GRIK1: variants seen among roughly 807,000 people sequenced by gnomAD.
GRIK1 encodes the protein glutamate ionotropic receptor kainate type subunit 1.
A neutral mutation model predicts 105.7 loss-of-function variants in GRIK1; 69 were observed. The observed-to-expected ratio is 0.65, with a 90% CI of 0.54 to 0.80. The LOEUF (loss-of-function observed/expected upper bound fraction) is 0.80, where lower values mean the gene tolerates loss of function less well. Ranked by LOEUF, GRIK1 falls within the 30% of genes least tolerant of loss-of-function variation. GRIK1 has a pLI of 0.00. For synonymous variants in GRIK1, 438 were observed against 431.3 expected (o/e 1.02, Z -0.19); for missense variants, 1,109 against 1,167.3 (o/e 0.95, Z 0.73).
At chr21:29,631,580 A>C (rs1192160601) in intron 7 of GRIK1, among the ~76,000 whole-genome samples, 2 of 152,124 alleles carry the variant, frequency 1.3e-5, no homozygotes, top group Non-Finnish European at 2.9e-5. Context: ...AGCCCAAGCT[A>C]AGACAGCTGT....
rs376778152 is a variant in GRIK1 at position 29,560,364 on chromosome 21, T to TCTTCCTTCCTTCCTTCCTTC, written c.2356+1240_2356+1259dup. The stretch of plus-strand genomic sequence containing the variant: ...CTTTCTTTCTTTCTTTCTTTTTCTT[T>TCTTCCTTCCTTCCTTCCTTC]CTTCCTTCCTTCCTTCCTTCCTTCC... On this transcript the variant is annotated intron_variant, in intron 15 of 17. Transcript: ENST00000327783. Among the ~76,000 whole-genome samples the TCTTCCTTCCTTCCTTCCTTC allele has an allele frequency of 1.7e-4, 6 of 35,930 alleles. No homozygotes were observed. In the East Asian group the frequency reaches 3.6e-3, roughly 22 times the overall value. The allele number at this position is 35,930 out of a possible 152,430, so 23.6% of individuals were successfully genotyped here.
chr21:29,664,888 G>A lies in GRIK1; in HGVS notation c.726+8095C>T, dbSNP rs552310636. On this transcript the variant is annotated intron_variant, in intron 4 of 17. Transcript: ENST00000327783. ...TTCCACAAAAAAGGCACACCCAAGA[G>A]CATGCACCTTCCTACAATTTTGAAT... 5.9e-5 allele frequency among the ~76,000 whole-genome samples: 9 copies of A among 152,246 alleles called. No homozygotes were observed. The South Asian group carries it at 1.9e-3, about 32-fold the overall frequency.
At chr21:29,875,037 T>C (rs1211149453) in intron 1 of GRIK1, among the ~76,000 whole-genome samples, 2 of 151,650 alleles carry the variant, frequency 1.3e-5, no homozygotes, top group Non-Finnish European at 2.9e-5. Context: ...TGTATGCGTG[T>C]GTATGCAAAC....
chr21:29,843,101 C>A (rs1377087686), intron 1 of GRIK1, among the ~76,000 whole-genome samples: 2 of 152,158 alleles, frequency 1.3e-5, no homozygotes, highest in Non-Finnish European at 2.9e-5. Flanking sequence ...TAAATATCCA[C>A]AGAACATGAG....
intron 1 of GRIK1, among the ~76,000 whole-genome samples, chr21:29,790,755 G>A (rs1216651715): frequency 6.6e-6 from 1 of 152,174 alleles, no homozygotes; most frequent in East Asian, 1.9e-4. Context: ...GCCCTGCCTA[G>A]TAGATTCACC....
intron 1 of GRIK1, among the ~76,000 whole-genome samples, chr21:29,698,550 G>A (rs1201269165): frequency 6.6e-6 from 1 of 152,190 alleles, no homozygotes; most frequent in African/African-American, 2.4e-5. Flanking sequence ...GGTTGTCCAT[G>A]TTCTCTTTCA....
chr21:29,740,056 T>C (rs2146933245), intron 1 of GRIK1, among the ~76,000 whole-genome samples: 1 of 152,296 alleles, frequency 6.6e-6, no homozygotes, highest in Non-Finnish European at 1.5e-5. Flanking sequence ...ATGATTTCAA[T>C]TGAAAAAACT....
chr21:29,711,106 T>C (rs2064038701), intron 1 of GRIK1, among the ~76,000 whole-genome samples: 2 of 152,166 alleles, frequency 1.3e-5, no homozygotes, highest in South Asian at 2.1e-4. Flanking sequence ...ATTTCAGTGT[T>C]TTTTTAACTC....
At chr21:29,673,668 T>G (rs1019939993) in intron 3 of GRIK1, among the ~76,000 whole-genome samples, 3 of 152,206 alleles carry the variant, frequency 2.0e-5, no homozygotes, top group African/African-American at 7.2e-5. Flanking sequence ...ATCTTTCAGT[T>G]CATGCCATAT....
intron 1 of GRIK1, among the ~76,000 whole-genome samples, chr21:29,765,944 C>T (rs1201544686): frequency 6.6e-6 from 1 of 151,922 alleles, no homozygotes; most frequent in African/African-American, 2.4e-5. Flanking sequence ...TTCCACCTCC[C>T]GGGTTCACGC....
chr21:29,588,032 T>A (rs1328273423), intron 11 of GRIK1, among the ~76,000 whole-genome samples: 1 of 134,014 alleles, frequency 7.5e-6, no homozygotes, highest in Non-Finnish European at 1.5e-5. Flanking sequence ...TAGAGTGCAG[T>A]GGTGCAATCT....
At chr21:29,641,255 C>G (rs1197439246) in intron 7 of GRIK1, among the ~76,000 whole-genome samples, 2 of 152,054 alleles carry the variant, frequency 1.3e-5, no homozygotes, top group Admixed American at 6.5e-5. Flanking sequence ...GTGGGAGGGA[C>G]CCAGTAGCAG....
At chr21:29,916,616 C>CATAATAAAAAA (rs2071009593) in intron 1 of GRIK1, among the ~76,000 whole-genome samples, 1 of 149,724 alleles carries the variant, frequency 6.7e-6, no homozygotes, top group African/African-American at 2.5e-5. Context: ...AAAAACAGTG[C>CATAATAAAAAA]AATAGCTACA....
At chr21:29,670,441 C>T (rs1394246556) in intron 4 of GRIK1, among the ~76,000 whole-genome samples, 1 of 152,222 alleles carries the variant, frequency 6.6e-6, no homozygotes, top group Non-Finnish European at 1.5e-5. Context: ...ATGTAATCCC[C>T]AGGCTACTAG....
intron 15 of GRIK1, among the ~76,000 whole-genome samples, chr21:29,558,720 T>TA (rs1491571097): frequency 6.7e-5 from 10 of 149,030 alleles, no homozygotes; most frequent in South Asian, 2.1e-4. Context: ...TATATATATA[T>TA]TTTTTTGTAT....
intron 1 of GRIK1, among the ~76,000 whole-genome samples, chr21:29,910,169 A>G (rs896688646): frequency 3.9e-5 from 6 of 152,166 alleles, no homozygotes; most frequent in African/African-American, 9.6e-5. Context: ...TACATTTACT[A>G]TGTACCCACA....
At chr21:29,624,358 A>G (rs1010567634) in intron 7 of GRIK1, among the ~76,000 whole-genome samples, 2 of 152,156 alleles carry the variant, frequency 1.3e-5, no homozygotes, top group Admixed American at 1.3e-4. Context: ...CCTGTTTTCC[A>G]TTGCAGAATA....
In GRIK1 at chr21:29,578,352, T is replaced by C. The variant is rs1262189943; in HGVS notation, c.1913-1171A>G. On this transcript the variant is annotated intron_variant, in intron 13 of 17. Coordinates refer to ENST00000327783, the MANE Select transcript of GRIK1 (RefSeq NM_001330994.2). Reference sequence around the variant, plus strand: ...CTATACTGATAGGGTGTGTTGAAGCTCTGTCGTTAATAATGGCTTAAGATG... The same window carrying C: ...CTATACTGATAGGGTGTGTTGAAGCCCTGTCGTTAATAATGGCTTAAGATG... Among the ~76,000 whole-genome samples, 3 of 152,182 alleles carry C rather than the reference T, an allele frequency of 2.0e-5. No homozygotes were observed. The East Asian group carries it at 5.8e-4, about 29-fold the overall frequency.
chr21:29,560,531 T>TCTTTCCTTCCTTCCTTC (rs2146168753), intron 15 of GRIK1, among the ~76,000 whole-genome samples: 7 of 90,532 alleles, frequency 7.7e-5, no homozygotes, highest in Non-Finnish European at 1.1e-4. Context: ...TTTCTTTCTT[T>TCTTTCCTTCCTTCCTTC]CTTTCTTTCT....
Sources: gnomAD v4.1 joint callset for allele counts (sites outside exome capture counted in the v4.1 genomes callset) on GRCh38, gnomAD v4.1.1 for gene constraint, MANE v1.5 for transcripts, NCBI Gene and HGNC (gene_info 2026-07-23, HGNC 2026-07-21) for gene names.